Variants in MRAP2 observed in about 807,000 individuals in gnomAD.
MRAP2 encodes the protein melanocortin-2 receptor accessory protein 2.
MRAP2 carries 20 observed loss-of-function variants against 17.4 expected under a neutral mutation model. That is an observed-to-expected ratio of 1.15 (90% CI 0.81 to 1.67). The LOEUF (loss-of-function observed/expected upper bound fraction) is 1.67, where lower values mean the gene tolerates loss of function less well. Among genes scored for constraint, MRAP2 ranks in the 40% most tolerant of loss-of-function variants. The pLI, the probability that MRAP2 is intolerant of heterozygous loss-of-function variation, is 0.00. For synonymous variants in MRAP2, 96 were observed against 88.4 expected (o/e 1.09, Z -0.48); for missense variants, 238 against 240.0 (o/e 0.99, Z 0.05).
the MRAP2 span, among the ~76,000 whole-genome samples, chr6:84,134,818 G>GGGGGGGATA: frequency 2.6e-5 from 4 of 151,680 alleles, no homozygotes; most frequent in Non-Finnish European, 5.9e-5. Flanking sequence ...CCCCCCCACA[G>GGGGGGGATA]ATTAAACTTT....
At chr6:84,119,027 G>T in the MRAP2 span, among the ~76,000 whole-genome samples, 1 of 151,988 alleles carries the variant, frequency 6.6e-6, no homozygotes. Context: ...CACTATATCT[G>T]GTCTCACTGG....
chr6:84,091,760 T>C (rs2099501818), downstream of MRAP2, among the ~76,000 whole-genome samples: 1 of 152,188 alleles, frequency 6.6e-6, no homozygotes, highest in South Asian at 2.1e-4. Context: ...TTTTGCCCCT[T>C]CTGCAAATCA....
the MRAP2 span, among the ~76,000 whole-genome samples, chr6:84,133,082 A>G: frequency 6.6e-6 from 1 of 152,194 alleles, no homozygotes; most frequent in Non-Finnish European, 1.5e-5. Flanking sequence ...TCTAACCGTC[A>G]GGACCCTCAG....
chr6:84,035,309 A>G (rs748409279), intron 1 of MRAP2: 125 of 499,392 alleles, frequency 2.5e-4, no homozygotes, highest in Non-Finnish European at 3.1e-4. Context: ...AGAGGGAAAC[A>G]TTGAATCCTG....
At chr6:84,065,320 T>A (rs2099494398) in intron 3 of MRAP2, among the ~76,000 whole-genome samples, 3 of 151,890 alleles carry the variant, frequency 2.0e-5, no homozygotes, top group Admixed American at 2.0e-4. Context: ...ACATTTTAAA[T>A]GAAAGGAAAA....
the MRAP2 span, among the ~76,000 whole-genome samples, chr6:84,132,489 A>G: frequency 2.6e-5 from 4 of 152,286 alleles, no homozygotes; most frequent in African/African-American, 9.6e-5. Context: ...CCAATCAGAC[A>G]TAGATTTGGT....
chr6:84,124,908 T>C, the MRAP2 span: 1 of 642,900 alleles, frequency 1.6e-6, no homozygotes, highest in East Asian at 2.8e-5. Context: ...ATATGTTTTT[T>C]TTCTTATTGG....
chr6:84,146,137 A>C, the MRAP2 span, among the ~76,000 whole-genome samples: 1 of 152,074 alleles, frequency 6.6e-6, no homozygotes, highest in African/African-American at 2.4e-5. Flanking sequence ...TCCTTTGCCA[A>C]TCCCTGATCT....
intron 3 of MRAP2, among the ~76,000 whole-genome samples, chr6:84,064,734 G>T (rs533945856): frequency 3.9e-5 from 6 of 152,238 alleles, no homozygotes; most frequent in South Asian, 2.1e-4. Context: ...TGATCCGCCC[G>T]CCTTGGCCTC....
At chr6:84,140,276 A>C in the MRAP2 span, among the ~76,000 whole-genome samples, 1 of 151,892 alleles carries the variant, frequency 6.6e-6, no homozygotes, top group Non-Finnish European at 1.5e-5. Flanking sequence ...TTTGGTTGAT[A>C]CTGGGAGAGT....
chr6:84,141,683 A>G, the MRAP2 span, among the ~76,000 whole-genome samples: 4 of 152,140 alleles, frequency 2.6e-5, no homozygotes, highest in Non-Finnish European at 5.9e-5. Flanking sequence ...GCCGGGGTGT[A>G]TAGGTTACTT....
At chr6:84,049,210 A>ACAG (rs2099489783) in intron 1 of MRAP2, among the ~76,000 whole-genome samples, 1 of 152,136 alleles carries the variant, frequency 6.6e-6, no homozygotes, top group Non-Finnish European at 1.5e-5. Flanking sequence ...GGATCGCCTG[A>ACAG]GGTCAGGAGT....
chr6:84,033,976 T>C, intron 1 of MRAP2, 93 bp downstream of exon 1: 2 of 948,684 alleles, frequency 2.1e-6, no homozygotes, highest in East Asian at 1.2e-4. Flanking sequence ...AGGGCTTGCT[T>C]GGGTTTGGGG....
intron 3 of MRAP2, among the ~76,000 whole-genome samples, chr6:84,066,561 G>A (rs1210064223): frequency 3.3e-5 from 5 of 152,106 alleles, no homozygotes; most frequent in Non-Finnish European, 5.9e-5. Flanking sequence ...GATAATTAGG[G>A]GGTGAGGGGA....
the MRAP2 span, among the ~76,000 whole-genome samples, chr6:84,144,226 C>T: frequency 1.3e-5 from 2 of 151,900 alleles, no homozygotes; most frequent in African/African-American, 4.8e-5. Flanking sequence ...ATAAATTGTA[C>T]AGGAATCATT....
At chr6:84,061,784 CTAA>C in intron 2 of MRAP2, 1 of 985,396 alleles carries the variant, frequency 1.0e-6, no homozygotes, top group Non-Finnish European at 1.2e-6. Flanking sequence ...AATGACAATT[CTAA>C]TGACAGTAGC....
At chr6:84,114,621 G>C in the MRAP2 span, among the ~76,000 whole-genome samples, 12 of 152,110 alleles carry the variant, frequency 7.9e-5, no homozygotes, top group African/African-American at 2.7e-4. Context: ...TTCCCTTGCT[G>C]GTGAGGAGTT....
chr6:84,117,998 G>T, the MRAP2 span, among the ~76,000 whole-genome samples: 456 of 152,300 alleles, frequency 3.0e-3, 2 homozygotes, highest in African/African-American at 0.01. Context: ...GCTGCATTTT[G>T]GTGGAACAGT....
intron 2 of MRAP2, chr6:84,061,672 A>G (rs2099493206): frequency 1.7e-6 from 1 of 576,168 alleles, no homozygotes; most frequent in Non-Finnish European, 2.2e-6. Context: ...AGCCCTGGTA[A>G]GGTGTGGCTG....
Sources: allele counts gnomAD v4.1 joint callset (sites outside exome capture counted in the v4.1 genomes callset), GRCh38; gene constraint gnomAD v4.1.1; transcripts MANE v1.5; gene names NCBI Gene and HGNC (gene_info 2026-07-23, HGNC 2026-07-21).